Variants in MLF1 observed in about 807,000 individuals in gnomAD.
MLF1 encodes the protein myeloid leukemia factor 1.
Under a neutral mutation model 38.3 loss-of-function variants are expected in MLF1, and 37 were observed. The observed-to-expected ratio is 0.96, with a 90% CI of 0.74 to 1.27. The LOEUF is 1.27. Ranked by LOEUF, MLF1 falls within the 50% of genes most tolerant of loss-of-function variation. MLF1 has a pLI of 0.00. For missense variants in MLF1, 331 were observed against 349.2 expected (o/e 0.95, Z 0.42); for synonymous variants, 95 against 106.5 (o/e 0.89, Z 0.66).
chr3:158,578,524 A>C (rs1715830932), intron 1 of MLF1, among the ~76,000 whole-genome samples: 1 of 151,990 alleles, frequency 6.6e-6, no homozygotes, highest in Non-Finnish European at 1.5e-5. Context: ...ACACACACAC[A>C]CACACGTACA....
intron 7 of MLF1, among the ~76,000 whole-genome samples, chr3:158,603,690 T>C (rs749312502): frequency 2.0e-5 from 3 of 151,776 alleles, no homozygotes; most frequent in East Asian, 1.9e-4. Flanking sequence ...ATACAAAAAT[T>C]AGCTAGGTGT....
chr3:158,593,251 G>A, intron 2 of MLF1, 131 bp from the exon 3 acceptor site: 1 of 618,454 alleles, frequency 1.6e-6, no homozygotes, highest in Non-Finnish European at 2.6e-6. Context: ...AGCCCTCAGG[G>A]GTTTCTATAA....
chr3:158,585,394 T>G (rs953061006), intron 1 of MLF1, among the ~76,000 whole-genome samples: 2 of 152,184 alleles, frequency 1.3e-5, no homozygotes, highest in African/African-American at 4.8e-5. Context: ...CCTGAAGTTC[T>G]CATCAGAAGA....
chr3:158,587,944 T>C (rs1717489812), intron 1 of MLF1, among the ~76,000 whole-genome samples: 1 of 152,134 alleles, frequency 6.6e-6, no homozygotes, highest in East Asian at 1.9e-4. Flanking sequence ...GAGCTTGCAG[T>C]GAGCTGAGAT....
At chr3:158,584,767 C>G (rs1716970656) in intron 1 of MLF1, among the ~76,000 whole-genome samples, 2 of 150,938 alleles carry the variant, frequency 1.3e-5, no homozygotes, top group African/African-American at 4.9e-5. Context: ...AATCTTTTGG[C>G]TTCTCTGTAC....
intron 7 of MLF1, among the ~76,000 whole-genome samples, chr3:158,604,522 T>C (rs926360047): frequency 6.6e-6 from 1 of 152,250 alleles, no homozygotes; most frequent in Non-Finnish European, 1.5e-5. Context: ...AATATAAATG[T>C]GGTTAGTGAC....
intron 1 of MLF1, among the ~76,000 whole-genome samples, chr3:158,591,865 A>G (rs1718204153): frequency 6.6e-6 from 1 of 152,220 alleles, no homozygotes; most frequent in Non-Finnish European, 1.5e-5. Flanking sequence ...ATTATGCATT[A>G]AATGAATTAT....
chr3:158,573,458 T>C (rs1714894308), intron 1 of MLF1: 2 of 150,572 alleles, frequency 1.3e-5, no homozygotes, highest in Admixed American at 1.3e-4. Context: ...TTCGTTGCCT[T>C]TGAAGGTTCC....
At position 158,580,769 on chromosome 3, in the gene MLF1, A is replaced by G. The variant is rs530164809; in HGVS notation, c.47+9422A>G. ...TCGAGACCAGCCTGAGCAACATGGC[A>G]AAATCCTGTCTCTACCAGAAAAAAA... On this transcript the variant is annotated intron_variant, in intron 1 of 7. Transcript: ENST00000466246. 4.1e-4 allele frequency among the ~76,000 whole-genome samples: 62 copies of G among 149,980 alleles called. 1 individual carries two copies. The highest frequency in any genetic ancestry group is 3.5e-3 in the Middle Eastern group (1 of 288).
intron 1 of MLF1, among the ~76,000 whole-genome samples, chr3:158,584,037 C>G (rs1576655389): frequency 6.6e-6 from 1 of 152,168 alleles, no homozygotes; most frequent in Non-Finnish European, 1.5e-5. Flanking sequence ...GAGGTCTCAA[C>G]AGTTGAACAA....
At chr3:158,597,750 G>A (rs550032531) in intron 4 of MLF1, among the ~76,000 whole-genome samples, 1 of 152,216 alleles carries the variant, frequency 6.6e-6, no homozygotes, top group Admixed American at 6.5e-5. Context: ...ACAGGTTTGG[G>A]GGCATAGCAT....
intron 7 of MLF1, 63 bp from the exon 8 acceptor site, chr3:158,605,034 A>AT (rs1353114174): frequency 1.7e-6 from 2 of 1,172,360 alleles, no homozygotes; most frequent in Non-Finnish European, 2.5e-6. Context: ...ACATGTTTGT[A>AT]TTGATTTATA....
At chr3:158,577,426 A>G (rs1253934002) in intron 1 of MLF1, among the ~76,000 whole-genome samples, 1 of 152,198 alleles carries the variant, frequency 6.6e-6, no homozygotes, top group Non-Finnish European at 1.5e-5. Flanking sequence ...TCTGCCACAT[A>G]TACCTCTCAT....
At chr3:158,582,705 A>G (rs754870655) in intron 1 of MLF1, 23 of 498,470 alleles carry the variant, frequency 4.6e-5, no homozygotes, top group Admixed American at 2.0e-4. Context: ...AAGTGTTGAG[A>G]GGAAAAAAAC....
Position 158,593,005 on chromosome 3 carries a change from A to G in MLF1, c.196-377A>G, listed in dbSNP as rs558628230. On this transcript the variant is annotated intron_variant, in intron 2 of 7. Coordinates refer to ENST00000466246, the MANE Select transcript of MLF1 (RefSeq NM_001369783.1). The stretch of plus-strand genomic sequence containing the variant: ...TTGGACCAGGAAACACTGATCTTCT[A>G]TATGGTTACGTATGGACCTTCAAAG... Among the ~76,000 whole-genome samples the G allele has an allele frequency of 6.6e-5, 10 of 152,258 alleles. No homozygotes were observed. The South Asian group carries it at 1.5e-3, about 22-fold the overall frequency.
intron 1 of MLF1, among the ~76,000 whole-genome samples, chr3:158,571,760 TG>T (rs1714355179): frequency 2.1e-5 from 1 of 47,568 alleles, no homozygotes; most frequent in Non-Finnish European, 4.0e-5. Context: ...GAGCATGAGG[TG>T]GGAGGGAGGA....
At chr3:158,582,803 A>T (rs1393532111) in intron 1 of MLF1, 2 of 637,794 alleles carry the variant, frequency 3.1e-6, no homozygotes, top group East Asian at 5.7e-5. Flanking sequence ...AAATTTGGTG[A>T]ATTTGTTGAC....
chr3:158,597,281 CA>C (rs1719029138), intron 4 of MLF1, among the ~76,000 whole-genome samples: 1 of 151,656 alleles, frequency 6.6e-6, no homozygotes, highest in African/African-American at 2.4e-5. Flanking sequence ...AAAATAACCT[CA>C]AAAACATTGA....
At chr3:158,582,315 G>GAA (rs111461599) in intron 1 of MLF1, among the ~76,000 whole-genome samples, 2 of 149,498 alleles carry the variant, frequency 1.3e-5, no homozygotes, top group African/African-American at 4.9e-5. Context: ...AAAAAGACTG[G>GAA]AAAAAAAAAA....
Sources: allele counts gnomAD v4.1 joint callset (sites outside exome capture counted in the v4.1 genomes callset), GRCh38; gene constraint gnomAD v4.1.1; transcripts MANE v1.5; gene names NCBI Gene and HGNC (gene_info 2026-07-23, HGNC 2026-07-21).